CADM2: variants seen among roughly 807,000 people sequenced by gnomAD.
The protein encoded by CADM2 is immunoglobulin superfamily member 4D.
Under a neutral mutation model 49.8 loss-of-function variants are expected in CADM2, and 12 were observed. That is an observed-to-expected ratio of 0.24 (90% confidence interval 0.15 to 0.39). The LOEUF (loss-of-function observed/expected upper bound fraction) is 0.39. Ranked by LOEUF, CADM2 falls within the 10% of genes least tolerant of loss-of-function variation. The probability of loss-of-function intolerance (pLI) is 1.00; values close to 1 mark genes in which losing one functional copy is unlikely to be tolerated. For missense variants in CADM2, 378 were observed against 492.3 expected, an observed-to-expected ratio of 0.77 and a Z score of 2.20; for synonymous variants, 214 against 175.4, an observed-to-expected ratio of 1.22 and a Z score of -1.74.
intron 8 of CADM2, among the ~76,000 whole-genome samples, chr3:86,037,722 G>A (rs13061174): frequency 0.31 from 46,354 of 151,834 alleles, 8,409 homozygotes; most frequent in Admixed American, 0.39. Context: ...TACACCTTTA[G>A]GCAAAAATTA....
rs200924078 is a variant in CADM2, at chr3:85,198,404, T to TG, written c.61+238736_61+238737insG. Reference sequence around the variant, plus strand: ...CTTACATGGTCCTATATCTTTTTTTTTTTCACTGTTTACAACCCATTTTAC... The same window carrying TG: ...CTTACATGGTCCTATATCTTTTTTTTGTTTCACTGTTTACAACCCATTTTAC... On this transcript the variant is annotated intron_variant, in intron 1 of 9. Transcript: ENST00000383699. Among the ~76,000 whole-genome samples, 193 of 151,888 alleles carry TG rather than the reference T, an allele frequency of 1.3e-3. 3 individuals are homozygous for TG. In the East Asian group the frequency reaches 0.03, roughly 24 times the overall value.
At chr3:85,137,641 A>C (rs2039456209) in intron 1 of CADM2, among the ~76,000 whole-genome samples, 1 of 152,090 alleles carries the variant, frequency 6.6e-6, no homozygotes, top group Admixed American at 6.6e-5. Flanking sequence ...TGTTTTTACC[A>C]AAGCACTTTA....
At chr3:85,565,159 T>C (rs1436315362) in intron 1 of CADM2, among the ~76,000 whole-genome samples, 1 of 152,096 alleles carries the variant, frequency 6.6e-6, no homozygotes, top group Non-Finnish European at 1.5e-5. Flanking sequence ...TAGCATTGTT[T>C]ATAACTGCTC....
At chr3:85,868,352 C>T (rs2075798095) in intron 3 of CADM2, among the ~76,000 whole-genome samples, 2 of 151,810 alleles carry the variant, frequency 1.3e-5, no homozygotes, top group South Asian at 4.2e-4. Flanking sequence ...TATACTTTTG[C>T]ATTATTATAA....
chr3:85,974,336 G>C (rs993789448), intron 8 of CADM2, among the ~76,000 whole-genome samples: 1 of 151,598 alleles, frequency 6.6e-6, no homozygotes, highest in Non-Finnish European at 1.5e-5. Flanking sequence ...TCTGTCAAGG[G>C]GGTAAAGCAC....
chr3:85,291,057 G>A (rs923256000), intron 1 of CADM2, among the ~76,000 whole-genome samples: 1 of 152,140 alleles, frequency 6.6e-6, no homozygotes, highest in African/African-American at 2.4e-5. Context: ...TTAGAAGAAT[G>A]TATAATTAGA....
At chr3:85,003,319 A>G (rs2033564623) in intron 1 of CADM2, among the ~76,000 whole-genome samples, 1 of 152,148 alleles carries the variant, frequency 6.6e-6, no homozygotes, top group Non-Finnish European at 1.5e-5. Flanking sequence ...TAAGTAAATA[A>G]TACATTTTGC....
intron 3 of CADM2, among the ~76,000 whole-genome samples, chr3:85,862,513 A>T (rs2075574901): frequency 1.3e-5 from 2 of 152,174 alleles, no homozygotes; most frequent in African/African-American, 4.8e-5. Context: ...TGGTGACAAT[A>T]TTAGTTCCCC....
intron 1 of CADM2, among the ~76,000 whole-genome samples, chr3:84,989,472 C>T (rs1219450342): frequency 1.3e-5 from 2 of 151,952 alleles, no homozygotes; most frequent in Non-Finnish European, 2.9e-5. Context: ...AATGAGCAAA[C>T]TCTCTCTCTT....
intron 1 of CADM2, among the ~76,000 whole-genome samples, chr3:85,099,489 A>T (rs1271506306): frequency 1.4e-5 from 2 of 138,066 alleles, no homozygotes; most frequent in African/African-American, 5.6e-5. Context: ...TTTTTTTCTG[A>T]GACACAGTCT....
At chr3:85,713,235 T>C (rs1249107770) in intron 1 of CADM2, among the ~76,000 whole-genome samples, 1 of 152,134 alleles carries the variant, frequency 6.6e-6, no homozygotes, top group Non-Finnish European at 1.5e-5. Flanking sequence ...GTAGCTGGGA[T>C]TACAGGCACC....
chr3:85,283,015 A>G (rs1204114829), intron 1 of CADM2, among the ~76,000 whole-genome samples: 3 of 152,122 alleles, frequency 2.0e-5, no homozygotes, highest in Non-Finnish European at 4.4e-5. Context: ...TAACCCATAC[A>G]TATGTACAAA....
chr3:85,585,368 G>C (rs964523315), intron 1 of CADM2, among the ~76,000 whole-genome samples: 6 of 151,728 alleles, frequency 4.0e-5, no homozygotes, highest in Admixed American at 1.3e-4. Context: ...TGAAACGGTG[G>C]AAGTTGGTAC....
intron 1 of CADM2, among the ~76,000 whole-genome samples, chr3:85,528,404 T>A (rs1235005373): frequency 6.6e-6 from 1 of 152,208 alleles, no homozygotes; most frequent in Non-Finnish European, 1.5e-5. Flanking sequence ...CTTCAAAATG[T>A]GGAGTAAGCT....
intron 1 of CADM2, among the ~76,000 whole-genome samples, chr3:85,290,841 A>C (rs1282810545): frequency 6.6e-6 from 1 of 152,210 alleles, no homozygotes; most frequent in African/African-American, 2.4e-5. Flanking sequence ...ATGGGGAAAA[A>C]ACAGAACAGA....
intron 1 of CADM2, among the ~76,000 whole-genome samples, chr3:85,309,372 T>A (rs1265317668): frequency 1.3e-5 from 2 of 152,130 alleles, no homozygotes; most frequent in Non-Finnish European, 2.9e-5. Context: ...GTTGTTTGGA[T>A]TCAAATTTCC....
chr3:85,554,886 T>A (rs1349539846), intron 1 of CADM2, among the ~76,000 whole-genome samples: 34 of 146,082 alleles, frequency 2.3e-4, no homozygotes, highest in African/African-American at 7.3e-4. Context: ...ATTTTTATTT[T>A]TTTTTTTTTT....
chr3:85,918,874 A>G (rs1468426279), intron 6 of CADM2, among the ~76,000 whole-genome samples: 4 of 152,086 alleles, frequency 2.6e-5, no homozygotes, highest in Admixed American at 2.0e-4. Flanking sequence ...TTAGAAGAAC[A>G]TATTGTATGA....
intron 1 of CADM2, among the ~76,000 whole-genome samples, chr3:85,447,678 G>A (rs139466814): frequency 6.6e-6 from 1 of 152,156 alleles, no homozygotes; most frequent in African/African-American, 2.4e-5. Flanking sequence ...CCCCTGTGCT[G>A]TGACTAGGCA....
Sources: allele counts gnomAD v4.1 joint callset (sites outside exome capture counted in the v4.1 genomes callset), GRCh38; gene constraint gnomAD v4.1.1; transcripts MANE v1.5; gene names NCBI Gene and HGNC (gene_info 2026-07-23, HGNC 2026-07-21).